Variants in HCN1 observed in about 807,000 individuals in gnomAD.
The protein encoded by HCN1 is hyperpolarization activated cyclic nucleotide gated potassium channel 1.
In HCN1, 13 loss-of-function variants were observed where a neutral mutation model predicts 78.9. That is an observed-to-expected ratio of 0.16 (90% CI 0.11 to 0.26). The LOEUF (loss-of-function observed/expected upper bound fraction) is 0.26. Among genes scored for constraint, HCN1 ranks in the 10% least tolerant of loss-of-function variants. HCN1 has a pLI of 1.00. For missense variants in HCN1, 810 were observed against 1,154.3 expected (o/e 0.70, Z 4.32); for synonymous variants, 552 against 455.5 (o/e 1.21, Z -2.70).
intron 5 of HCN1, among the ~76,000 whole-genome samples, chr5:45,315,965 C>T (rs1310444131): frequency 3.9e-5 from 6 of 152,104 alleles, no homozygotes. Context: ...ATGGATTCCA[C>T]AACTGAATTC....
intron 1 of HCN1, among the ~76,000 whole-genome samples, chr5:45,669,989 T>C (rs1031071853): frequency 5.3e-5 from 8 of 151,742 alleles, no homozygotes; most frequent in Non-Finnish European, 7.4e-5. Flanking sequence ...TGTAAAGTTG[T>C]TTCCTCCTTT....
chr5:45,309,699 A>C lies in HCN1; in HGVS notation c.1378-5860T>G, dbSNP rs562206476. Among the ~76,000 whole-genome samples the C allele has an allele frequency of 5.3e-5, 8 of 152,322 alleles. No individual in the cohort carries two copies. In the South Asian group the frequency reaches 1.7e-3, roughly 32 times the overall value. ...TTTGTGTATGTTGAACCGACCTTAC[A>C]TCCAGGGGATGAAGCCTACTTGAGT... On this transcript the variant is annotated intron_variant, in intron 5 of 7. Coordinates refer to ENST00000303230, the MANE Select transcript of HCN1 (RefSeq NM_021072.4).
At chr5:45,666,998 CTAGAT>C (rs1746062974) in intron 1 of HCN1, among the ~76,000 whole-genome samples, 1 of 151,884 alleles carries the variant, frequency 6.6e-6, no homozygotes, top group South Asian at 2.1e-4. Context: ...TAAAACTTGG[CTAGAT>C]TAAAGCTATG....
chr5:45,610,037 G>A (rs1293955091), intron 2 of HCN1, among the ~76,000 whole-genome samples: 2 of 152,242 alleles, frequency 1.3e-5, no homozygotes, highest in African/African-American at 2.4e-5. Flanking sequence ...ATTGCATCCC[G>A]CAGAAGATAG....
chr5:45,316,945 C>T (rs540258423), intron 5 of HCN1, among the ~76,000 whole-genome samples: 1 of 152,270 alleles, frequency 6.6e-6, no homozygotes, highest in Non-Finnish European at 1.5e-5. Context: ...ACATTCCATG[C>T]TCATGGATAG....
intron 1 of HCN1, among the ~76,000 whole-genome samples, chr5:45,672,890 C>T (rs1007032505): frequency 1.3e-5 from 2 of 151,224 alleles, no homozygotes; most frequent in East Asian, 1.9e-4. Context: ...ATATCTCACA[C>T]CTAATTTCTC....
intron 1 of HCN1, among the ~76,000 whole-genome samples, chr5:45,661,398 G>A (rs1217975711): frequency 1.3e-5 from 2 of 150,574 alleles, no homozygotes; most frequent in African/African-American, 4.9e-5. Context: ...AAAAGAACTA[G>A]AAAAGCAAGA....
chr5:45,499,061 T>G (rs997977289), intron 2 of HCN1, among the ~76,000 whole-genome samples: 2 of 152,106 alleles, frequency 1.3e-5, no homozygotes, highest in African/African-American at 2.4e-5. Context: ...CCCCCAGAGG[T>G]GGAGCCTACA....
intron 2 of HCN1, among the ~76,000 whole-genome samples, chr5:45,611,392 C>T (rs1178687384): frequency 6.6e-6 from 1 of 150,906 alleles, no homozygotes; most frequent in Admixed American, 6.6e-5. Context: ...CTGCCTCATC[C>T]TCCTGAGTAG....
chr5:45,648,988 GCCT>G (rs919592012), intron 1 of HCN1, among the ~76,000 whole-genome samples: 6 of 151,844 alleles, frequency 4.0e-5, no homozygotes, highest in Admixed American at 1.3e-4. Flanking sequence ...CCAGGATATG[GCCT>G]CCTCCTGCCT....
At chr5:45,416,798 T>C (rs368874067) in intron 3 of HCN1, among the ~76,000 whole-genome samples, 1 of 151,986 alleles carries the variant, frequency 6.6e-6, no homozygotes, top group African/African-American at 2.4e-5. Context: ...TGGCAAAAGT[T>C]TTCCCATAGA....
At chr5:45,321,510 T>G (rs1746125975) in intron 5 of HCN1, among the ~76,000 whole-genome samples, 1 of 151,828 alleles carries the variant, frequency 6.6e-6, no homozygotes, top group African/African-American at 2.4e-5. Context: ...GCACGTAGAA[T>G]TAAACCACAG....
intron 1 of HCN1, among the ~76,000 whole-genome samples, chr5:45,649,210 CTTAG>C (rs1002644275): frequency 2.0e-5 from 3 of 151,942 alleles, no homozygotes; most frequent in Non-Finnish European, 2.9e-5. Flanking sequence ...CAATGAGTTT[CTTAG>C]TTTGTTTGTG....
intron 2 of HCN1, among the ~76,000 whole-genome samples, chr5:45,518,304 T>C (rs980641512): frequency 1.3e-5 from 2 of 151,970 alleles, no homozygotes; most frequent in African/African-American, 4.8e-5. Context: ...CATGGTTCCA[T>C]ATCTACCAAG....
intron 1 of HCN1, among the ~76,000 whole-genome samples, chr5:45,650,716 G>A (rs1016226854): frequency 6.6e-6 from 1 of 151,922 alleles, no homozygotes; most frequent in Non-Finnish European, 1.5e-5. Context: ...TTCTAGAAGA[G>A]ATAAAGTGGC....
At chr5:45,549,581 G>T (rs1313296991) in intron 2 of HCN1, among the ~76,000 whole-genome samples, 3 of 152,088 alleles carry the variant, frequency 2.0e-5, no homozygotes, top group Non-Finnish European at 4.4e-5. Context: ...CAGGACATAG[G>T]CATGGGCAAG....
intron 5 of HCN1, among the ~76,000 whole-genome samples, chr5:45,339,634 C>T (rs1405530270): frequency 6.6e-6 from 1 of 152,120 alleles, no homozygotes; most frequent in East Asian, 1.9e-4. Flanking sequence ...TTATATCAAT[C>T]AATATGGTAG....
chr5:45,535,919 C>G (rs1742959902), intron 2 of HCN1, among the ~76,000 whole-genome samples: 1 of 152,104 alleles, frequency 6.6e-6, no homozygotes, highest in Non-Finnish European at 1.5e-5. Context: ...CAGTTTTTGT[C>G]TAACTAAAAA....
chr5:45,349,831 T>C lies in HCN1; in HGVS notation c.1377+3269A>G, dbSNP rs549477786. Among the ~76,000 whole-genome samples the C allele has an allele frequency of 2.0e-4, 31 of 152,084 alleles. 2 individuals are homozygous for C. In the South Asian group the frequency reaches 5.6e-3, roughly 27 times the overall value. On this transcript the variant is annotated intron_variant, in intron 5 of 7. Transcript: ENST00000303230. ...CTCCCAAGACTAAACCAGGAAGAAGTTGAATCTCTGAATAGACCAGTAACA... is the reference window on the plus strand; with the variant it reads ...CTCCCAAGACTAAACCAGGAAGAAGCTGAATCTCTGAATAGACCAGTAACA...
Sources: gnomAD v4.1 joint callset for allele counts (sites outside exome capture counted in the v4.1 genomes callset) on GRCh38, gnomAD v4.1.1 for gene constraint, MANE v1.5 for transcripts, NCBI Gene and HGNC (gene_info 2026-07-23, HGNC 2026-07-21) for gene names.